The following ZCWPW2 variants were observed in gnomAD, a reference collection of about 807,000 sequenced individuals.
ZCWPW2 encodes zinc finger CW-type PWWP domain protein 2.
In ZCWPW2, 45 loss-of-function variants were observed where a neutral mutation model predicts 46.6. That is an observed-to-expected ratio of 0.96 (90% CI 0.76 to 1.24). The LOEUF is 1.24. Ranked by LOEUF, ZCWPW2 falls within the 50% of genes most tolerant of loss-of-function variation. The pLI, the probability that ZCWPW2 is intolerant of heterozygous loss-of-function variation, is 0.00. For missense variants in ZCWPW2, 429 were observed against 403.9 expected (o/e 1.06, Z -0.53); for synonymous variants, 152 against 137.1 (o/e 1.11, Z -0.76).
intron 1 of ZCWPW2, among the ~76,000 whole-genome samples, chr3:28,360,349 CAA>C (rs71087692): frequency 0.28 from 14,871 of 53,400 alleles, 544 homozygotes; most frequent in Non-Finnish European, 0.35. Context: ...ACTAAAAATA[CAA>C]AAAAAAAAAA....
chr3:28,429,321 A>G (rs1697146911), intron 3 of ZCWPW2, among the ~76,000 whole-genome samples: 1 of 152,166 alleles, frequency 6.6e-6, no homozygotes, highest in Admixed American at 6.5e-5. Flanking sequence ...ATTCTGTGGA[A>G]CTTTGAACTT....
intron 6 of ZCWPW2, among the ~76,000 whole-genome samples, chr3:28,496,308 T>G (rs566116936): frequency 1.3e-5 from 2 of 152,226 alleles, no homozygotes; most frequent in African/African-American, 4.8e-5. Flanking sequence ...TTGATTTCAC[T>G]GAATTTTTAA....
chr3:28,495,527 A>T lies in ZCWPW2; in HGVS notation c.657+3354A>T, dbSNP rs189011110. ...GGCTCAGTGCCATGGGCCAGATCTGACCTTTAAACTATTTGTTGGTCTGCA... is the reference window on the plus strand; with the variant it reads ...GGCTCAGTGCCATGGGCCAGATCTGTCCTTTAAACTATTTGTTGGTCTGCA... On this transcript the variant is annotated intron_variant, in intron 6 of 9. Transcript: ENST00000383768. 2.6e-5 allele frequency among the ~76,000 whole-genome samples: 4 copies of T among 152,242 alleles called. No individual in the cohort carries two copies. The East Asian group carries it at 7.7e-4, about 29-fold the overall frequency.
At chr3:28,423,944 A>G (rs1397628650) in intron 3 of ZCWPW2, among the ~76,000 whole-genome samples, 5 of 151,964 alleles carry the variant, frequency 3.3e-5, no homozygotes, top group Non-Finnish European at 7.4e-5. Context: ...TCATGTGGGT[A>G]GCTTACCACT....
intron 3 of ZCWPW2, among the ~76,000 whole-genome samples, chr3:28,426,427 A>T (rs958045659): frequency 6.6e-6 from 1 of 152,034 alleles, no homozygotes; most frequent in African/African-American, 2.4e-5. Flanking sequence ...CTGTGTCATA[A>T]ATATGAAAAT....
intron 1 of ZCWPW2, among the ~76,000 whole-genome samples, chr3:28,380,412 G>A (rs1436712981): frequency 6.6e-6 from 1 of 152,014 alleles, no homozygotes; most frequent in South Asian, 2.1e-4. Flanking sequence ...CCACAGAAAC[G>A]TGCAAACAAA....
At chr3:28,369,612 A>C (rs1357812880) in intron 1 of ZCWPW2, among the ~76,000 whole-genome samples, 1 of 152,134 alleles carries the variant, frequency 6.6e-6, no homozygotes, top group Non-Finnish European at 1.5e-5. Context: ...TCAGGGACCC[A>C]CTTGAGGAGG....
At chr3:28,497,270 G>A (rs530539328) in intron 6 of ZCWPW2, among the ~76,000 whole-genome samples, 293 of 150,876 alleles carry the variant, frequency 1.9e-3, no homozygotes, top group African/African-American at 6.6e-3. Context: ...GTGTATATAC[G>A]TGTAAATGTT....
intron 2 of ZCWPW2, among the ~76,000 whole-genome samples, chr3:28,400,631 A>G (rs1695883746): frequency 6.6e-6 from 1 of 152,212 alleles, no homozygotes; most frequent in Non-Finnish European, 1.5e-5. Context: ...CTGGGGCCCT[A>G]TCTTCAGCCT....
At chr3:28,373,440 C>T (rs1167047169) in intron 1 of ZCWPW2, among the ~76,000 whole-genome samples, 4 of 151,786 alleles carry the variant, frequency 2.6e-5, no homozygotes, top group African/African-American at 4.8e-5. Flanking sequence ...TACCTATTGG[C>T]CATTTGTATG....
intron 1 of ZCWPW2, among the ~76,000 whole-genome samples, chr3:28,362,224 C>A (rs1208023483): frequency 6.6e-6 from 1 of 152,036 alleles, no homozygotes; most frequent in Non-Finnish European, 1.5e-5. Flanking sequence ...TGAAAATGTT[C>A]TTGAGATCCA....
intron 2 of ZCWPW2, among the ~76,000 whole-genome samples, chr3:28,403,598 G>A (rs1196429727): frequency 6.6e-6 from 1 of 152,020 alleles, no homozygotes; most frequent in Admixed American, 6.6e-5. Flanking sequence ...GCAAGACTAA[G>A]CAAAAAGAAC....
At chr3:28,366,005 CTT>C (rs1447871202) in intron 1 of ZCWPW2, among the ~76,000 whole-genome samples, 9 of 151,380 alleles carry the variant, frequency 5.9e-5, no homozygotes, top group African/African-American at 2.2e-4. Flanking sequence ...CGTCCTGAGA[CTT>C]TGCTGAAGTT....
chr3:28,357,363 G>C (rs1301939043), intron 1 of ZCWPW2, among the ~76,000 whole-genome samples: 1 of 152,152 alleles, frequency 6.6e-6, no homozygotes, highest in Non-Finnish European at 1.5e-5. Flanking sequence ...TTGGTGTGAT[G>C]GTTAATTTTA....
At chr3:28,448,696 A>C (rs1698096075) in intron 4 of ZCWPW2, among the ~76,000 whole-genome samples, 1 of 147,754 alleles carries the variant, frequency 6.8e-6, no homozygotes, top group African/African-American at 2.5e-5. Context: ...GAGGCATGAT[A>C]GTTGTTTGAA....
intron 6 of ZCWPW2, among the ~76,000 whole-genome samples, chr3:28,498,608 C>G (rs777967065): frequency 4.0e-5 from 6 of 151,376 alleles, no homozygotes; most frequent in Non-Finnish European, 5.9e-5. Context: ...CTCAGACTTA[C>G]AATAGTATCA....
chr3:28,423,710 T>A (rs1312374072), intron 3 of ZCWPW2, among the ~76,000 whole-genome samples: 1 of 152,040 alleles, frequency 6.6e-6, no homozygotes, highest in Non-Finnish European at 1.5e-5. Flanking sequence ...GTTTGCTTCA[T>A]AGGGCCCACA....
chr3:28,386,537 T>G (rs759968177), intron 1 of ZCWPW2, among the ~76,000 whole-genome samples: 6 of 152,234 alleles, frequency 3.9e-5, no homozygotes, highest in Non-Finnish European at 7.3e-5. Context: ...TCAAGGTGCA[T>G]CCTATGAAAA....
At chr3:28,504,518 C>T (rs1243004977) in intron 6 of ZCWPW2, among the ~76,000 whole-genome samples, 1 of 152,082 alleles carries the variant, frequency 6.6e-6, no homozygotes, top group Non-Finnish European at 1.5e-5. Flanking sequence ...AATAATGAAA[C>T]ATTTGACATT....
Sources: gnomAD v4.1 joint callset for allele counts (sites outside exome capture counted in the v4.1 genomes callset) on GRCh38, gnomAD v4.1.1 for gene constraint, MANE v1.5 for transcripts, NCBI Gene and HGNC (gene_info 2026-07-23, HGNC 2026-07-21) for gene names.